Variants in FTCDNL1 observed in about 807,000 individuals in gnomAD.
FTCDNL1 encodes formiminotransferase cyclodeaminase N-terminal like.
Under a neutral mutation model 5.9 loss-of-function variants are expected in FTCDNL1, and 11 were observed. The observed-to-expected ratio is 1.87, with a 90% CI of 1.18 to 3.10. The LOEUF (loss-of-function observed/expected upper bound fraction) is 3.10. FTCDNL1 is among the 30% of genes most tolerant of loss of function. The probability of loss-of-function intolerance (pLI) is 0.00; values close to 1 mark genes in which losing one functional copy is unlikely to be tolerated. For missense variants in FTCDNL1, 115 were observed against 65.5 expected (o/e 1.76, Z -2.61); for synonymous variants, 58 against 24.8 (o/e 2.34, Z -3.99).
chr2:199,763,093 C>T, intron 3 of FTCDNL1, among the ~76,000 whole-genome samples: 1 of 152,184 alleles, frequency 6.6e-6, no homozygotes, highest in Non-Finnish European at 1.5e-5. Flanking sequence ...AGTAACAACA[C>T]ATTACTATCT....
intron 4 of FTCDNL1, among the ~76,000 whole-genome samples, chr2:199,817,448 AT>A (rs1437259545): frequency 6.6e-6 from 1 of 152,130 alleles, no homozygotes; most frequent in Admixed American, 6.6e-5. Context: ...ATTTTTATGA[AT>A]TTTTTTATGT....
At chr2:199,736,386 C>T in the FTCDNL1 span, among the ~76,000 whole-genome samples, 1 of 152,196 alleles carries the variant, frequency 6.6e-6, no homozygotes, top group Non-Finnish European at 1.5e-5. Flanking sequence ...TGCACTCTGG[C>T]CTCCAACCTG....
the FTCDNL1 span, among the ~76,000 whole-genome samples, chr2:199,710,481 T>C: frequency 1.3e-5 from 2 of 152,314 alleles, no homozygotes; most frequent in East Asian, 3.9e-4. Context: ...CTCTCAAGAC[T>C]CTAAGCTTGG....
downstream of FTCDNL1, among the ~76,000 whole-genome samples, chr2:199,809,094 TCATCTTTTC>T (rs1186764693): frequency 1.3e-5 from 2 of 152,194 alleles, no homozygotes; most frequent in Non-Finnish European, 2.9e-5. Context: ...ACCTAGTCCA[TCATCTTTTC>T]CATCTTCGTT....
At chr2:199,763,775 A>G (rs1698380900) in intron 3 of FTCDNL1, among the ~76,000 whole-genome samples, 1 of 152,246 alleles carries the variant, frequency 6.6e-6, no homozygotes, top group Non-Finnish European at 1.5e-5. Flanking sequence ...TGAAAATTTG[A>G]AGTAAATTAT....
chr2:199,736,878 T>C, the FTCDNL1 span, among the ~76,000 whole-genome samples: 1 of 152,236 alleles, frequency 6.6e-6, no homozygotes, highest in African/African-American at 2.4e-5. Flanking sequence ...GGTTGTTTGA[T>C]TGAACTGATT....
At chr2:199,845,833 CA>C (rs750888679) in intron 3 of FTCDNL1, among the ~76,000 whole-genome samples, 2,098 of 100,240 alleles carry the variant, frequency 0.021, 20 homozygotes, top group African/African-American at 0.051. Flanking sequence ...TCACCTTCAG[CA>C]AAAAAAAAAA....
the FTCDNL1 span, among the ~76,000 whole-genome samples, chr2:199,747,026 A>AACACAC: frequency 4.0e-4 from 59 of 145,926 alleles, no homozygotes; most frequent in African/African-American, 1.0e-3. Context: ...GTTTATTTAA[A>AACACAC]ACACACACAC....
At chr2:199,768,521 G>C (rs965609319) in intron 3 of FTCDNL1, among the ~76,000 whole-genome samples, 2 of 152,062 alleles carry the variant, frequency 1.3e-5, no homozygotes, top group Non-Finnish European at 2.9e-5. Flanking sequence ...GCAAAATCAT[G>C]AAGAAGGTAA....
rs201289056 is a variant in FTCDNL1 at position 199,776,814 on chromosome 2, A to T, written c.212-15979T>A. Among the ~76,000 whole-genome samples, 7 of 152,128 alleles carry T rather than the reference A, an allele frequency of 4.6e-5. No individual in the cohort carries two copies. In the East Asian group the frequency reaches 9.7e-4, roughly 21 times the overall value. On this transcript the variant is annotated intron_variant, in intron 3 of 3. Coordinates refer to the FTCDNL1 transcript ENST00000416668. ...ACTCCAGAGAAACAGAATGAATAGGATGTGTGTGTATGATTATATATTCCC... is the reference window on the plus strand; with the variant it reads ...ACTCCAGAGAAACAGAATGAATAGGTTGTGTGTGTATGATTATATATTCCC...
At chr2:199,701,181 A>G in the FTCDNL1 span, among the ~76,000 whole-genome samples, 1 of 152,024 alleles carries the variant, frequency 6.6e-6, no homozygotes, top group Admixed American at 6.6e-5. Flanking sequence ...TAGGAATGCT[A>G]CGTTTTCTAG....
intron 3 of FTCDNL1, among the ~76,000 whole-genome samples, chr2:199,835,923 T>G (rs1374286013): frequency 6.6e-6 from 1 of 152,250 alleles, no homozygotes. Flanking sequence ...GAATGTTTCA[T>G]GTCTCCCACA....
At chr2:199,748,824 C>G in the FTCDNL1 span, among the ~76,000 whole-genome samples, 1 of 152,318 alleles carries the variant, frequency 6.6e-6, no homozygotes, top group South Asian at 2.1e-4. Context: ...CTTCGTCCCT[C>G]TGGATTCTGA....
chr2:199,675,957 G>T, the FTCDNL1 span, among the ~76,000 whole-genome samples: 1 of 152,138 alleles, frequency 6.6e-6, no homozygotes, highest in African/African-American at 2.4e-5. Context: ...TCACTGTGTT[G>T]CCCAGACTTG....
intron 3 of FTCDNL1, among the ~76,000 whole-genome samples, chr2:199,838,529 G>A (rs1269657963): frequency 2.0e-5 from 3 of 152,204 alleles, no homozygotes; most frequent in Non-Finnish European, 4.4e-5. Flanking sequence ...GAGAAAATGT[G>A]TGAGGGGGAT....
chr2:199,848,994 G>GTTTA, intron 1 of FTCDNL1, 25 bp from the exon 2 acceptor site: 6 of 697,470 alleles, frequency 8.6e-6, no homozygotes, highest in Non-Finnish European at 1.6e-5. Context: ...AAATTTTTAT[G>GTTTA]TGTCTCTAGA....
chr2:199,673,605 C>T, the FTCDNL1 span, among the ~76,000 whole-genome samples: 1 of 152,116 alleles, frequency 6.6e-6, no homozygotes, highest in East Asian at 1.9e-4. Flanking sequence ...ACAGTCCATG[C>T]GTTCACAGGA....
chr2:199,762,508 A>G lies in FTCDNL1; in HGVS notation c.212-1673T>C, dbSNP rs181074533. 2.6e-3 allele frequency among the ~76,000 whole-genome samples: 395 copies of G among 152,326 alleles called. 12 individuals are homozygous for G. Among genetic ancestry groups the G allele is most frequent in the Admixed American group, 0.024 (360 of 15,294 alleles). On this transcript the variant is annotated intron_variant, in intron 3 of 3. Coordinates refer to the FTCDNL1 transcript ENST00000416668. ...ATGCTTATCTTTCCCCTACTGAAAA[A>G]TAAGTTCCAGGAAAACTGGGGTCTC...
chr2:199,818,848 C>G (rs1308641483), intron 4 of FTCDNL1: 1 of 152,024 alleles, frequency 6.6e-6, no homozygotes, highest in Non-Finnish European at 1.5e-5. Flanking sequence ...TAATTTGTGG[C>G]CCCAACAGAG....
Sources: gnomAD v4.1 joint callset for allele counts (sites outside exome capture counted in the v4.1 genomes callset) on GRCh38, gnomAD v4.1.1 for gene constraint, MANE v1.5 for transcripts, NCBI Gene and HGNC (gene_info 2026-07-23, HGNC 2026-07-21) for gene names.